The following ESR1 variants were observed in gnomAD, a reference collection of about 807,000 sequenced individuals.
The protein encoded by ESR1 is estrogen receptor 1, also known as estrogen receptor.
Under a neutral mutation model 52.7 loss-of-function variants are expected in ESR1, and 12 were observed. The ratio of observed to expected loss-of-function variants is 0.23; its 90% CI spans 0.15 to 0.37. The LOEUF (loss-of-function observed/expected upper bound fraction) is 0.37, where lower values mean the gene tolerates loss of function less well. Ranked by LOEUF, ESR1 falls within the 10% of genes least tolerant of loss-of-function variation. The probability of loss-of-function intolerance (pLI) is 1.00; values close to 1 mark genes in which losing one functional copy is unlikely to be tolerated. For synonymous variants in ESR1, 305 were observed against 316.8 expected, an observed-to-expected ratio of 0.96 and a Z score of 0.39; for missense variants, 584 against 779.7, an observed-to-expected ratio of 0.75 and a Z score of 2.99.
At position 151,855,132 on chromosome 6, in the gene ESR1, T is replaced by G. The variant is rs1787581806; in HGVS notation, c.643+12345T>G. On this transcript the variant is annotated intron_variant, in intron 2 of 7. Coordinates refer to ENST00000206249, the MANE Select transcript of ESR1 (RefSeq NM_000125.4). Reference sequence around the variant, plus strand: ...TTTCACTGTGTTGGGCACACTAGTCTCTAACTCCTGACCTCAAGTGGTCCT... The same window carrying G: ...TTTCACTGTGTTGGGCACACTAGTCGCTAACTCCTGACCTCAAGTGGTCCT... Among the ~76,000 whole-genome samples, 3 of 152,206 alleles carry G rather than the reference T, an allele frequency of 2.0e-5. No individual in the cohort carries two copies. In the South Asian group the frequency reaches 6.2e-4, roughly 31 times the overall value.
At chr6:151,975,055 G>A (rs2039305150) in intron 4 of ESR1, among the ~76,000 whole-genome samples, 1 of 152,186 alleles carries the variant, frequency 6.6e-6, no homozygotes, top group Non-Finnish European at 1.5e-5. Context: ...GTGAGGCTGG[G>A]ATGTTACTGT....
At chr6:152,110,550 GACAA>G in intron 6 of ESR1, among the ~76,000 whole-genome samples, 2 of 152,114 alleles carry the variant, frequency 1.3e-5, no homozygotes, top group East Asian at 3.9e-4. Context: ...GAAGGAGGGA[GACAA>G]ACAGGAAAAA....
chr6:152,048,518 A>G (rs1334475891), intron 5 of ESR1, among the ~76,000 whole-genome samples: 1 of 151,922 alleles, frequency 6.6e-6, no homozygotes. Flanking sequence ...ATTTTATTTT[A>G]GCATTGTGAG....
chr6:151,759,144 G>A (rs1440272935), intron 2 of ESR1, among the ~76,000 whole-genome samples: 3 of 151,624 alleles, frequency 2.0e-5, no homozygotes, highest in Admixed American at 6.6e-5. Context: ...GTGTGGTGGT[G>A]CGTGCCTGTA....
intron 2 of ESR1, among the ~76,000 whole-genome samples, chr6:151,784,081 G>A (rs1468167992): frequency 6.6e-6 from 1 of 152,134 alleles, no homozygotes; most frequent in Non-Finnish European, 1.5e-5. Context: ...CAACTGGCTG[G>A]GGTAGTATTT....
intron 3 of ESR1, 21 bp downstream of exon 3, chr6:151,880,792 G>A (rs747572455): frequency 1.5e-6 from 2 of 1,331,882 alleles, no homozygotes; most frequent in East Asian, 2.3e-5. Flanking sequence ...CTCTCCCAGG[G>A]GCCCTTGGGG....
chr6:151,660,709 T>C (rs60220348), intron 1 of ESR1, among the ~76,000 whole-genome samples: 8,264 of 152,298 alleles, frequency 0.054, 720 homozygotes, highest in East Asian at 0.41. Flanking sequence ...GTATATGTTA[T>C]GTAGACTCTT....
intron 5 of ESR1, among the ~76,000 whole-genome samples, chr6:152,042,592 C>T (rs1174860880): frequency 1.3e-5 from 2 of 152,162 alleles, no homozygotes; most frequent in African/African-American, 4.8e-5. Context: ...GACCCAGCCT[C>T]CCCTTCATTC....
Position 151,944,221 on chromosome 6 carries a change from A to C in ESR1, c.809A>C (p.Gln270Pro). ...RGGRMLKHKR[Q>P]RDDGEGRGEV... The stretch of plus-strand genomic sequence containing the variant: ...GGGAGAATGTTGAAACACAAGCGCC[A>C]GAGAGATGATGGGGAGGGCAGGGGT... The change falls in exon 4 of 8, where the codon CAG becomes CCG. Residue 270 changes from glutamine (Q) to proline (P), a missense_variant. This residue lies in a region of ESR1 where 88 missense variants were observed against 88.3 expected (regional missense o/e 1.00). Transcript: ENST00000206249. The C allele has an allele frequency of 6.2e-7, 1 of 1,614,158 alleles. No individual in the cohort carries two copies. The highest frequency in any genetic ancestry group is 8.5e-7 in the Non-Finnish European group (1 of 1,180,038).
At chr6:151,828,236 C>T (rs1781831276) in intron 1 of ESR1, among the ~76,000 whole-genome samples, 1 of 152,120 alleles carries the variant, frequency 6.6e-6, no homozygotes, top group Non-Finnish European at 1.5e-5. Flanking sequence ...TCATTTGAAT[C>T]GAATTGAACT....
At chr6:151,961,081 T>G (rs1490570629) in intron 4 of ESR1, among the ~76,000 whole-genome samples, 1 of 152,172 alleles carries the variant, frequency 6.6e-6, no homozygotes, top group Non-Finnish European at 1.5e-5. Context: ...TGAGATGTTT[T>G]TAGACCATCT....
intron 3 of ESR1, among the ~76,000 whole-genome samples, chr6:151,930,395 A>C (rs1472393925): frequency 1.3e-5 from 2 of 152,188 alleles, no homozygotes; most frequent in Admixed American, 6.5e-5. Context: ...TTTACATGAA[A>C]TATAGGGATA....
chr6:151,968,754 G>A (rs1366785815), intron 4 of ESR1, among the ~76,000 whole-genome samples: 2 of 152,036 alleles, frequency 1.3e-5, no homozygotes, highest in South Asian at 2.1e-4. Flanking sequence ...ATCTGGTTCC[G>A]GGTCAGTGGA....
chr6:151,835,753 T>C lies in ESR1; in HGVS notation c.453-6844T>C, dbSNP rs117960174. 5.7e-3 allele frequency among the ~76,000 whole-genome samples: 873 copies of C among 152,228 alleles called. 3 individuals carry two copies. The highest frequency in any genetic ancestry group is 8.7e-3 in the Non-Finnish European group (591 of 68,022). On this transcript the variant is annotated intron_variant, in intron 1 of 7. Transcript: ENST00000206249. The stretch of plus-strand genomic sequence containing the variant: ...GAAGCTACAAAGAGACCAATGCTAG[T>C]TGGTGCAAGGAATTCAAGAATTTGG...
upstream of ESR1, among the ~76,000 whole-genome samples, chr6:151,687,717 C>T (rs1451548881): frequency 6.6e-6 from 1 of 152,134 alleles, no homozygotes; most frequent in Non-Finnish European, 1.5e-5. Flanking sequence ...GAATGTATCA[C>T]AAAAAGGTTG....
intron 6 of ESR1, among the ~76,000 whole-genome samples, chr6:152,123,946 G>A (rs1317806994): frequency 6.6e-6 from 1 of 152,192 alleles, no homozygotes; most frequent in African/African-American, 2.4e-5. Context: ...TGACACCTAA[G>A]AAAATAAATG....
At position 151,912,337 on chromosome 6, in the gene ESR1, C is replaced by T. The variant is rs137896011; in HGVS notation, c.760+31566C>T. 2.5e-3 allele frequency among the ~76,000 whole-genome samples: 385 copies of T among 152,308 alleles called. 1 individual carries two copies. Among genetic ancestry groups the T allele is most frequent in the Admixed American group, 4.6e-3 (70 of 15,298 alleles). On this transcript the variant is annotated intron_variant, in intron 3 of 7. Coordinates refer to ENST00000206249, the MANE Select transcript of ESR1 (RefSeq NM_000125.4). The stretch of plus-strand genomic sequence containing the variant: ...GAAGGACTATGCCTGCTTTAATTTG[C>T]GTAGCTTACCTTTGTTTCACGTGTC...
chr6:151,996,625 A>G lies in ESR1; in HGVS notation c.1097-15031A>G, dbSNP rs548197592. ...TACCACTAATATGAGACCATGTTAT[A>G]TGCCTCTTGAGATATCATTCCCTTT... On this transcript the variant is annotated intron_variant, in intron 4 of 7. Coordinates refer to ENST00000206249, the MANE Select transcript of ESR1 (RefSeq NM_000125.4). Among the ~76,000 whole-genome samples, 3 of 152,184 alleles carry G rather than the reference A, an allele frequency of 2.0e-5. No individual in the cohort carries two copies. In the East Asian group the frequency reaches 5.8e-4, roughly 29 times the overall value.
rs146701456 is a variant in ESR1, at chr6:151,708,813, G to T, written c.-71+6808G>T. ...TGACTATTACAGATTTTAAAAACTG[G>T]CAGATAAAGTTGTATGATTTATTGT... On this transcript the variant is annotated intron_variant, in intron 2 of 2. Coordinates refer to the ESR1 transcript ENST00000404742. 3.1e-3 allele frequency among the ~76,000 whole-genome samples: 466 copies of T among 152,020 alleles called. 2 individuals carry two copies. Among genetic ancestry groups the T allele is most frequent in the African/African-American group, 0.011 (444 of 41,472 alleles).
Sources: allele counts gnomAD v4.1 joint callset (sites outside exome capture counted in the v4.1 genomes callset), GRCh38; gene constraint gnomAD v4.1.1; regional missense constraint gnomAD v4.1.1; transcripts MANE v1.5; gene names NCBI Gene and HGNC (gene_info 2026-07-23, HGNC 2026-07-21).